TRAPPC8: variants seen among roughly 807,000 people sequenced by gnomAD.
The protein encoded by TRAPPC8 is trafficking protein particle complex subunit 8.
A neutral mutation model predicts 174.3 loss-of-function variants in TRAPPC8; 54 were observed. The ratio of observed to expected loss-of-function variants is 0.31; its 90% CI spans 0.25 to 0.39. The LOEUF is 0.39. Ranked by LOEUF, TRAPPC8 falls within the 10% of genes least tolerant of loss-of-function variation. TRAPPC8 has a pLI of 1.00. For missense variants in TRAPPC8, 1,531 were observed against 1,699.1 expected (o/e 0.90, Z 1.74); for synonymous variants, 630 against 579.9 (o/e 1.09, Z -1.24).
chr18:31,887,050 ACTT>A (rs1474463571), intron 12 of TRAPPC8, among the ~76,000 whole-genome samples: 3 of 152,260 alleles, frequency 2.0e-5, no homozygotes, highest in South Asian at 2.1e-4. Context: ...TTACTCTATA[ACTT>A]CTTCTCTCAT....
At position 31,829,854 on chromosome 18, in the gene TRAPPC8, G is replaced by T. The variant is rs1429067635; in HGVS notation, c.*901C>A. 2 of 152,518 alleles carry T rather than the reference G, an allele frequency of 1.3e-5. No individual in the cohort carries two copies. Among genetic ancestry groups the T allele is most frequent in the Admixed American group, 6.6e-5 (1 of 15,264 alleles). The allele number at this position is 152,518 out of a possible 1,614,324, so 9.4% of individuals were successfully genotyped here. On this transcript the variant is annotated 3_prime_UTR_variant, in exon 29 of 29. Coordinates refer to ENST00000283351, the MANE Select transcript of TRAPPC8 (RefSeq NM_014939.5). ...TCTCTATCTGCAGCAGGGCTGAATT[G>T]AAATTTCTTATGTCCAAATGCCCAT... is the stretch of plus-strand genomic sequence containing the variant.
chr18:31,859,780 T>C (rs547633210), intron 19 of TRAPPC8, among the ~76,000 whole-genome samples: 4 of 152,202 alleles, frequency 2.6e-5, no homozygotes, highest in South Asian at 4.2e-4. Context: ...TCCCAGCACT[T>C]TGGGAGGTGG....
intron 9 of TRAPPC8, among the ~76,000 whole-genome samples, chr18:31,904,485 T>C (rs2036576766): frequency 6.6e-6 from 1 of 152,062 alleles, no homozygotes; most frequent in South Asian, 2.1e-4. Context: ...AAGCCATAAT[T>C]CACTTTTAAG....
chr18:31,916,832 C>T (rs777104021), intron 3 of TRAPPC8, among the ~76,000 whole-genome samples: 1 of 119,588 alleles, frequency 8.4e-6, no homozygotes, highest in Non-Finnish European at 1.6e-5. Flanking sequence ...CCGTGCCCAG[C>T]GGTATTTTCA....
intron 11 of TRAPPC8, among the ~76,000 whole-genome samples, chr18:31,895,452 A>G (rs1331603583): frequency 1.3e-5 from 2 of 152,204 alleles, no homozygotes; most frequent in Non-Finnish European, 2.9e-5. Context: ...AGCAAATAAC[A>G]ATGATACATT....
chr18:31,857,547 T>G lies in TRAPPC8; in HGVS notation c.3181A>C (p.Lys1061Gln), dbSNP rs936672221. 1 of 1,588,760 alleles carries G rather than the reference T, an allele frequency of 6.3e-7. No homozygotes were observed. The highest frequency in any genetic ancestry group is 1.4e-5 in the African/African-American group (1 of 73,916). Residue 1061 changes from lysine to glutamine, a missense_variant, in exon 20 of 29, where the codon AAA (lysine) becomes CAA (glutamine). Coordinates refer to ENST00000283351, the MANE Select transcript of TRAPPC8 (RefSeq NM_014939.5). ...FYYESVKKQP[K>Q]IRHRILRHTA... ...AAGTTTTATAATACTAACCGTATTT[T>G]TGGCTGCTTTTTGACACTTTCATAG...
intron 11 of TRAPPC8, chr18:31,895,823 T>C (rs2036161672): frequency 6.6e-6 from 1 of 152,220 alleles, no homozygotes; most frequent in African/African-American, 2.4e-5. Context: ...AGTTTGTCTG[T>C]TATCTGTTCA....
chr18:31,849,515 G>A, intron 25 of TRAPPC8, 51 bp downstream of exon 25: 1 of 1,429,656 alleles, frequency 7.0e-7, no homozygotes, highest in Non-Finnish European at 9.3e-7. Flanking sequence ...CTTAGCTTAA[G>A]ACTCGAGTAT....
At chr18:31,858,802 A>G (rs2034169497) in intron 19 of TRAPPC8, among the ~76,000 whole-genome samples, 1 of 152,218 alleles carries the variant, frequency 6.6e-6, no homozygotes, top group Non-Finnish European at 1.5e-5. Flanking sequence ...ATCTTTAAGT[A>G]TACTGGCTGG....
chr18:31,911,477 G>A (rs1017999878), intron 5 of TRAPPC8, among the ~76,000 whole-genome samples: 8 of 151,228 alleles, frequency 5.3e-5, no homozygotes, highest in Non-Finnish European at 1.0e-4. Flanking sequence ...TTCTGGCCGG[G>A]TGTGGTGGCT....
chr18:31,859,607 G>GT (rs2034217611), intron 19 of TRAPPC8, among the ~76,000 whole-genome samples: 2 of 152,238 alleles, frequency 1.3e-5, no homozygotes, highest in South Asian at 4.1e-4. Flanking sequence ...CCATCAAGAA[G>GT]GTTACAGCAT....
intron 11 of TRAPPC8, among the ~76,000 whole-genome samples, chr18:31,897,459 C>A (rs1409533252): frequency 6.6e-6 from 1 of 152,088 alleles, no homozygotes; most frequent in Non-Finnish European, 1.5e-5. Flanking sequence ...AATAAAATAT[C>A]ATTTTATATT....
At chr18:31,924,770 T>G in intron 2 of TRAPPC8, among the ~76,000 whole-genome samples, 1 of 141,226 alleles carries the variant, frequency 7.1e-6, no homozygotes, top group Non-Finnish European at 1.5e-5. Context: ...AAAATCCGCC[T>G]GAAGAGTTAA....
At chr18:31,922,755 C>G (rs1490610531) in intron 2 of TRAPPC8, among the ~76,000 whole-genome samples, 1 of 149,952 alleles carries the variant, frequency 6.7e-6, no homozygotes, top group Non-Finnish European at 1.5e-5. Flanking sequence ...CAGTGGCTCA[C>G]GCCTGTAATC....
At chr18:31,847,385 CT>C (rs1214663213) in intron 25 of TRAPPC8, among the ~76,000 whole-genome samples, 1 of 152,122 alleles carries the variant, frequency 6.6e-6, no homozygotes, top group Non-Finnish European at 1.5e-5. Context: ...TCTTCAATTG[CT>C]TCTGTGTTGG....
intron 9 of TRAPPC8, among the ~76,000 whole-genome samples, chr18:31,902,797 T>C (rs945387692): frequency 3.9e-5 from 6 of 151,932 alleles, no homozygotes; most frequent in African/African-American, 1.5e-4. Flanking sequence ...ACGCCTGTAA[T>C]CCAGCACTTT....
At chr18:31,913,821 A>G (rs1020010988) in intron 4 of TRAPPC8, among the ~76,000 whole-genome samples, 1 of 152,154 alleles carries the variant, frequency 6.6e-6, no homozygotes, top group African/African-American at 2.4e-5. Flanking sequence ...CCTCTACGTT[A>G]TTCAAAGAGA....
At chr18:31,920,379 C>G (rs1156268883) in intron 2 of TRAPPC8, among the ~76,000 whole-genome samples, 2 of 152,150 alleles carry the variant, frequency 1.3e-5, no homozygotes, top group Admixed American at 1.3e-4. Flanking sequence ...TGATGAACAA[C>G]AGTTCATGAT....
At chr18:31,890,039 A>G (rs2035886907) in intron 12 of TRAPPC8, among the ~76,000 whole-genome samples, 1 of 152,242 alleles carries the variant, frequency 6.6e-6, no homozygotes. Flanking sequence ...AAAGCTCCTT[A>G]AGACGTAAGA....
Sources: gnomAD v4.1 joint callset for allele counts (sites outside exome capture counted in the v4.1 genomes callset) on GRCh38, gnomAD v4.1.1 for gene constraint, MANE v1.5 for transcripts, NCBI Gene and HGNC (gene_info 2026-07-23, HGNC 2026-07-21) for gene names.